BMX: variants seen among roughly 807,000 people sequenced by gnomAD.
BMX encodes the protein cytoplasmic tyrosine-protein kinase BMX.
BMX carries 31 observed loss-of-function variants against 59.2 expected under a neutral mutation model. The observed-to-expected ratio is 0.52, with a 90% CI of 0.39 to 0.71. The LOEUF is 0.71. Ranked by LOEUF, BMX falls within the 30% of genes least tolerant of loss-of-function variation. The pLI, the probability that BMX is intolerant of heterozygous loss-of-function variation, is 0.00. For synonymous variants in BMX, 185 were observed against 181.0 expected, an observed-to-expected ratio of 1.02 and a Z score of -0.18; for missense variants, 474 against 491.7, an observed-to-expected ratio of 0.96 and a Z score of 0.34.
intron 12 of BMX, 64 bp downstream of exon 12, chrX:15,534,403 A>G: frequency 1.0e-6 from 1 of 996,069 alleles, no homozygotes. Flanking sequence ...CCTGGATACT[A>G]CTGATCCTCC....
rs755589228 is a variant in BMX, at chrX:15,519,679, C to A, written c.510+1686C>A. ...AAAGAGGTTTATTTAGCTCACCGTT[C>A]TGCAGGCTGTACAAGTAGCATAGCA... is the stretch of plus-strand genomic sequence containing the variant. On this transcript the variant is annotated intron_variant, in intron 6 of 18. Transcript: ENST00000348343. Among the ~76,000 whole-genome samples, 6 of 112,151 alleles carry A rather than the reference C, an allele frequency of 5.3e-5. No individual in the cohort carries two copies. The East Asian group carries it at 1.1e-3, about 21-fold the overall frequency.
At chrX:15,510,923 T>C (rs189657419) in intron 3 of BMX, among the ~76,000 whole-genome samples, 2 of 111,845 alleles carry the variant, frequency 1.8e-5, no homozygotes, top group East Asian at 2.8e-4. Flanking sequence ...CATGATGAAA[T>C]AGATGAAAGT....
intron 18 of BMX, among the ~76,000 whole-genome samples, chrX:15,551,003 C>T (rs760889514): frequency 2.7e-5 from 3 of 110,851 alleles, no homozygotes; most frequent in Non-Finnish European, 3.8e-5. Flanking sequence ...GAGGCAGGAA[C>T]GAGCATGGCA....
In BMX at chrX:15,534,270, T is replaced by A; in HGVS notation, c.1078T>A (p.Tyr360Asn). Residue 360 changes from tyrosine to asparagine, a missense_variant, in exon 12 of 19, where the codon TAC (tyrosine) becomes AAC (asparagine). Coordinates refer to ENST00000348343, the MANE Select transcript of BMX (RefSeq NM_203281.3). ...HVHTNAENKL[Y>N]LAENYCFDSI... is the part of the protein sequence containing the mutation. Reference sequence around the variant, plus strand: ...GCATACAAATGCTGAGAACAAATTATACCTGGCAGAAAACTACTGTTTTGA... The same window carrying A: ...GCATACAAATGCTGAGAACAAATTAAACCTGGCAGAAAACTACTGTTTTGA... The A allele has an allele frequency of 8.4e-7, 1 of 1,196,341 alleles. No homozygotes were observed. The highest frequency in any genetic ancestry group is 1.1e-6 in the Non-Finnish European group (1 of 885,854).
chrX:15,546,614 A>T (rs1925956192), intron 16 of BMX, among the ~76,000 whole-genome samples, 189 bp from the exon 17 acceptor site: 1 of 111,374 alleles, frequency 9.0e-6, no homozygotes, highest in Non-Finnish European at 1.9e-5. Flanking sequence ...GTTTTGCTGT[A>T]TTCAGTTAGA....
intron 18 of BMX, among the ~76,000 whole-genome samples, chrX:15,555,746 A>C (rs1350007450): frequency 4.5e-5 from 5 of 111,036 alleles, no homozygotes; most frequent in Admixed American, 2.9e-4. Flanking sequence ...TTTATTCTTT[A>C]AGTCTGTTCT....
At chrX:15,520,309 C>CTA (rs2147112679) in intron 6 of BMX, among the ~76,000 whole-genome samples, 1 of 111,687 alleles carries the variant, frequency 9.0e-6, no homozygotes, top group Admixed American at 9.5e-5. Context: ...TCTAAAACAC[C>CTA]TAGGAGAAAC....
chrX:15,501,673 C>T (rs145226730), intron 1 of BMX, among the ~76,000 whole-genome samples: 1,475 of 111,869 alleles, frequency 0.013, 24 homozygotes, highest in African/African-American at 0.045. Context: ...AACTGAGAGT[C>T]TGCATGTCTA....
rs997149014 is a variant in BMX at position 15,500,869 on chromosome X, C to G, written c.-81C>G. 2 of 751,945 alleles carry G rather than the reference C, an allele frequency of 2.7e-6. No homozygotes were observed. Among genetic ancestry groups the G allele is most frequent in the Non-Finnish European group, 3.1e-6 (2 of 639,058 alleles). 62.0% of individuals were successfully genotyped at this position (751,945 alleles called of 1,213,427 possible). ...AATTTGCTTCTGGAAACAGGACAGC[C>G]GGGGCCGTGTTCCTGCAACAGCAGA... On this transcript the variant is annotated 5_prime_UTR_variant, in exon 1 of 19. Transcript: ENST00000348343.
Position 15,526,029 on chromosome X carries a change from A to C in BMX, c.831-13A>C. The C allele has an allele frequency of 8.3e-7, 1 of 1,202,255 alleles. No individual in the cohort carries two copies. The highest frequency in any genetic ancestry group is 3.0e-5 in the East Asian group (1 of 33,611). On this transcript the variant is annotated splice_polypyrimidine_tract_variant and intron_variant, in intron 8 of 18. Coordinates refer to ENST00000348343, the MANE Select transcript of BMX (RefSeq NM_203281.3). ...GCTTTTCTGCACTCACGTTTTTCTC[A>C]ACTCTTCTTAAGGGAATTCCCTGAG...
chrX:15,548,516 A>G (rs976507406), intron 17 of BMX, among the ~76,000 whole-genome samples: 1 of 112,065 alleles, frequency 8.9e-6, no homozygotes, highest in African/African-American at 3.2e-5. Context: ...CAAAAAATCA[A>G]TGCCCTAATT....
intron 14 of BMX, among the ~76,000 whole-genome samples, chrX:15,540,059 G>C (rs957609612): frequency 1.8e-5 from 2 of 111,949 alleles, no homozygotes; most frequent in African/African-American, 6.5e-5. Context: ...AATATCATTT[G>C]ACCCAGCAAT....
At chrX:15,533,617 A>G (rs1306545724) in intron 11 of BMX, among the ~76,000 whole-genome samples, 4 of 112,273 alleles carry the variant, frequency 3.6e-5, no homozygotes, top group Non-Finnish European at 7.5e-5. Flanking sequence ...ATTATTCCTG[A>G]TTAGCTTAAA....
intron 6 of BMX, among the ~76,000 whole-genome samples, chrX:15,521,407 T>C (rs1300202983): frequency 2.7e-5 from 3 of 112,376 alleles, no homozygotes; most frequent in African/African-American, 9.7e-5. Context: ...TAGAATTCAG[T>C]TGTGTGAATA....
chrX:15,528,990 G>A (rs1924934586), intron 9 of BMX, among the ~76,000 whole-genome samples: 1 of 112,018 alleles, frequency 8.9e-6, no homozygotes. Context: ...TCAAGTGTTA[G>A]TTATACAGTA....
intron 4 of BMX, among the ~76,000 whole-genome samples, chrX:15,513,303 G>A (rs1238118248): frequency 8.9e-6 from 1 of 112,011 alleles, no homozygotes; most frequent in Non-Finnish European, 1.9e-5. Flanking sequence ...CTTCCCAGAA[G>A]CCTCCCTGCA....
At chrX:15,522,292 G>C in intron 6 of BMX, 54 bp from the exon 7 acceptor site, 2 of 1,168,698 alleles carry the variant, frequency 1.7e-6, no homozygotes, top group South Asian at 1.9e-5. Flanking sequence ...GTCAGTTCCC[G>C]GTACCTGAAT....
chrX:15,546,757 G>A (rs746733035), intron 16 of BMX, 46 bp from the exon 17 acceptor site: 1 of 1,088,730 alleles, frequency 9.2e-7, no homozygotes, highest in Non-Finnish European at 1.3e-6. Flanking sequence ...TCATCAGCCT[G>A]TACCACCACG....
chrX:15,553,781 C>CA (rs768968543), intron 18 of BMX, among the ~76,000 whole-genome samples: 1 of 111,527 alleles, frequency 9.0e-6, no homozygotes, highest in Non-Finnish European at 1.9e-5. Flanking sequence ...AAGGGTTTTT[C>CA]AGTTGAAGCC....
Sources: gnomAD v4.1 joint callset for allele counts (sites outside exome capture counted in the v4.1 genomes callset) on GRCh38, gnomAD v4.1.1 for gene constraint, MANE v1.5 for transcripts, NCBI Gene and HGNC (gene_info 2026-07-23, HGNC 2026-07-21) for gene names.